The following BPIFC variants were observed in gnomAD, a reference collection of about 807,000 sequenced individuals.
BPIFC encodes BPI fold containing family C.
A neutral mutation model predicts 57.6 loss-of-function variants in BPIFC; 60 were observed. That is an observed-to-expected ratio of 1.04 (90% CI 0.85 to 1.29). The LOEUF (loss-of-function observed/expected upper bound fraction) is 1.29. BPIFC is among the 50% of genes most tolerant of loss of function. BPIFC has a pLI of 0.00. For synonymous variants in BPIFC, 243 were observed against 224.5 expected, an observed-to-expected ratio of 1.08 and a Z score of -0.74; for missense variants, 581 against 600.5, an observed-to-expected ratio of 0.97 and a Z score of 0.34.
intron 4 of BPIFC, among the ~76,000 whole-genome samples, chr22:32,451,659 C>T (rs1200394045): frequency 6.6e-6 from 1 of 151,992 alleles, no homozygotes; most frequent in East Asian, 1.9e-4. Context: ...AACAAACCTG[C>T]ACGTCGTGCA....
At chr22:32,452,422 G>A (rs1458371401) in intron 4 of BPIFC, among the ~76,000 whole-genome samples, 1 of 152,012 alleles carries the variant, frequency 6.6e-6, no homozygotes, top group Non-Finnish European at 1.5e-5. Context: ...CGATCACTAG[G>A]TCAGGAGATC....
At chr22:32,435,066 T>C (rs1934351553) in intron 10 of BPIFC, among the ~76,000 whole-genome samples, 1 of 152,206 alleles carries the variant, frequency 6.6e-6, no homozygotes, top group South Asian at 2.1e-4. Flanking sequence ...ATGCTTGACA[T>C]GTATTTAAAT....
chr22:32,452,180 G>A (rs1389004200), intron 4 of BPIFC, among the ~76,000 whole-genome samples: 6 of 152,156 alleles, frequency 3.9e-5, no homozygotes, highest in Non-Finnish European at 4.4e-5. Flanking sequence ...GGGATTACAC[G>A]TGTGAGCCAC....
intron 2 of BPIFC, among the ~76,000 whole-genome samples, chr22:32,458,750 G>A (rs575204331): frequency 1.3e-5 from 2 of 152,296 alleles, no homozygotes; most frequent in Admixed American, 6.5e-5. Context: ...CCCGTATTGT[G>A]ACTGTCTTTT....
At chr22:32,444,802 G>A (rs1217504843) in intron 7 of BPIFC, among the ~76,000 whole-genome samples, 4 of 152,022 alleles carry the variant, frequency 2.6e-5, no homozygotes, top group African/African-American at 9.7e-5. Context: ...TATCTCCCAG[G>A]ACACTTCCAG....
chr22:32,459,607 G>A (rs964988528), intron 2 of BPIFC, among the ~76,000 whole-genome samples: 3 of 152,020 alleles, frequency 2.0e-5, no homozygotes, highest in African/African-American at 7.2e-5. Flanking sequence ...AGCTTGCAGT[G>A]AGCCGAGATC....
chr22:32,419,247 A>G (rs1389442048), intron 14 of BPIFC, 115 bp downstream of exon 14: 34 of 1,130,530 alleles, frequency 3.0e-5, no homozygotes, highest in East Asian at 2.5e-4. Context: ...AAGTCCTACA[A>G]TTATGGAGGA....
At chr22:32,439,491 C>T (rs1934504505) in intron 8 of BPIFC, among the ~76,000 whole-genome samples, 1 of 152,144 alleles carries the variant, frequency 6.6e-6, no homozygotes, top group African/African-American at 2.4e-5. Flanking sequence ...AGAAAGTTAC[C>T]TGAGCATCAT....
At chr22:32,424,704 C>CT (rs1283744338) in intron 13 of BPIFC, among the ~76,000 whole-genome samples, 4 of 93,256 alleles carry the variant, frequency 4.3e-5, no homozygotes, top group Non-Finnish European at 5.9e-5. Context: ...TCTTCTTCTT[C>CT]CTCTTCTTCT....
At chr22:32,435,672 G>T in intron 10 of BPIFC, 32 bp downstream of exon 10, 2 of 1,588,906 alleles carry the variant, frequency 1.3e-6, no homozygotes, top group South Asian at 1.1e-5. Context: ...GAATGATGGT[G>T]ACCATTGACA....
In BPIFC at chr22:32,433,711, G is replaced by A. The variant is rs752425261; in HGVS notation, c.978+8C>T. ...TACACTATCAAGACTCAAACCCTGAGCACTTACCCGGGAGAGCACGTTGCC... is the reference window on the plus strand; with the variant it reads ...TACACTATCAAGACTCAAACCCTGAACACTTACCCGGGAGAGCACGTTGCC... On this transcript the variant is annotated splice_region_variant and intron_variant, in intron 11 of 16. Transcript: ENST00000300399. 33 of 1,613,244 alleles carry A rather than the reference G, an allele frequency of 2.0e-5. No individual in the cohort carries two copies. The highest frequency in any genetic ancestry group is 2.6e-5 in the Non-Finnish European group (31 of 1,179,384).
chr22:32,429,238 G>A (rs1187423226), intron 13 of BPIFC, among the ~76,000 whole-genome samples: 2 of 148,856 alleles, frequency 1.3e-5, no homozygotes, highest in Non-Finnish European at 3.0e-5. Context: ...ATGGAGTCTC[G>A]CTCTGTCCCC....
At chr22:32,460,380 C>T (rs1935136535) in intron 2 of BPIFC, among the ~76,000 whole-genome samples, 1 of 152,190 alleles carries the variant, frequency 6.6e-6, no homozygotes, top group Non-Finnish European at 1.5e-5. Flanking sequence ...CCAACTTACA[C>T]AGGGGGCCTG....
intron 13 of BPIFC, among the ~76,000 whole-genome samples, chr22:32,428,291 G>A (rs78547898): frequency 0.097 from 14,751 of 151,690 alleles, 1,165 homozygotes; most frequent in African/African-American, 0.21. Context: ...GTGTGTGTGT[G>A]TGTGCTTTTG....
At chr22:32,447,132 A>T (rs1934751513) in intron 5 of BPIFC, 80 bp downstream of exon 5, 10 of 1,431,106 alleles carry the variant, frequency 7.0e-6, no homozygotes, top group Non-Finnish European at 8.3e-6. Context: ...TATTGCCAAA[A>T]ACATTGGTGA....
At chr22:32,428,907 A>AC (rs1569449272) in intron 13 of BPIFC, among the ~76,000 whole-genome samples, 3 of 152,128 alleles carry the variant, frequency 2.0e-5, no homozygotes, top group Non-Finnish European at 4.4e-5. Flanking sequence ...TCAAAAAAAA[A>AC]CAAAATTATA....
At chr22:32,437,583 G>T (rs1162199812) in intron 9 of BPIFC, among the ~76,000 whole-genome samples, 177 bp downstream of exon 9, 4 of 152,090 alleles carry the variant, frequency 2.6e-5, no homozygotes, top group Non-Finnish European at 4.4e-5. Context: ...TAGAGACGGG[G>T]TTTCACCATG....
At chr22:32,418,984 T>C (rs1456830120) in intron 14 of BPIFC, among the ~76,000 whole-genome samples, 1 of 152,120 alleles carries the variant, frequency 6.6e-6, no homozygotes, top group Non-Finnish European at 1.5e-5. Context: ...AACCTAATCA[T>C]GGCTTAATAA....
chr22:32,438,056 T>A (rs17691669), intron 8 of BPIFC, among the ~76,000 whole-genome samples: 1 of 152,172 alleles, frequency 6.6e-6, no homozygotes, highest in Admixed American at 6.5e-5. Flanking sequence ...TTTTTCCAAG[T>A]GTATTACTCT....
Sources: allele counts gnomAD v4.1 joint callset (sites outside exome capture counted in the v4.1 genomes callset), GRCh38; gene constraint gnomAD v4.1.1; transcripts MANE v1.5; gene names NCBI Gene and HGNC (gene_info 2026-07-23, HGNC 2026-07-21).